GALNTL6: variants seen among roughly 807,000 people sequenced by gnomAD.
GALNTL6 encodes the protein polypeptide N-acetylgalactosaminyltransferase like 6.
A neutral mutation model predicts 73.7 loss-of-function variants in GALNTL6; 46 were observed. The observed-to-expected ratio is 0.62, with a 90% confidence interval of 0.49 to 0.80. The LOEUF is 0.80. Among genes scored for constraint, GALNTL6 ranks in the 30% least tolerant of loss-of-function variants. The probability of loss-of-function intolerance (pLI) is 0.00; values close to 1 mark genes in which losing one functional copy is unlikely to be tolerated. For synonymous variants in GALNTL6, 259 were observed against 263.7 expected (o/e 0.98, Z 0.17); for missense variants, 604 against 755.0 (o/e 0.80, Z 2.34).
chr4:172,471,828 G>A (rs945987667), intron 5 of GALNTL6, among the ~76,000 whole-genome samples: 1 of 152,152 alleles, frequency 6.6e-6, no homozygotes, highest in African/African-American at 2.4e-5. Context: ...TTACACATTT[G>A]AGTGAATTCA....
rs184786871 is a variant in GALNTL6 at position 172,043,771 on chromosome 4, G to A, written c.139-185885G>A. ...AAGATTTTCACCAAATACTAGTAAAGTTTTAAATGCAAAGATATCTTCAAT... is the reference window on the plus strand; with the variant it reads ...AAGATTTTCACCAAATACTAGTAAAATTTTAAATGCAAAGATATCTTCAAT... On this transcript the variant is annotated intron_variant, in intron 2 of 12. Transcript: ENST00000506823. 6.3e-3 allele frequency among the ~76,000 whole-genome samples: 954 copies of A among 152,114 alleles called. 11 individuals carry two copies. The highest frequency in any genetic ancestry group is 0.01 in the Non-Finnish European group (706 of 67,916).
chr4:171,920,387 AAAAAAG>A (rs752284234), intron 2 of GALNTL6, among the ~76,000 whole-genome samples: 1 of 152,162 alleles, frequency 6.6e-6, no homozygotes, highest in Non-Finnish European at 1.5e-5. Context: ...TAATTTAAAA[AAAAAAG>A]AAAAAGAAAA....
At position 172,939,049 on chromosome 4, in the gene GALNTL6, A is replaced by T. The variant is rs530122318; in HGVS notation, c.1149+7781A>T. Among the ~76,000 whole-genome samples, 149 of 152,322 alleles carry T rather than the reference A, an allele frequency of 9.8e-4. 2 individuals carry two copies. In the South Asian group the frequency reaches 0.03, roughly 30 times the overall value. On this transcript the variant is annotated intron_variant, in intron 9 of 12. Coordinates refer to ENST00000506823, the MANE Select transcript of GALNTL6 (RefSeq NM_001034845.3). ...ACAGGCATAGTGGCTCATGCCTGTA[A>T]TCCCAGTGCCTCAGGAGGCTGATGC...
chr4:172,125,373 AT>A (rs1324768035), intron 2 of GALNTL6, among the ~76,000 whole-genome samples: 4 of 152,140 alleles, frequency 2.6e-5, no homozygotes, highest in East Asian at 3.9e-4. Flanking sequence ...AATGGTTGAA[AT>A]TTTTTTTAAA....
At chr4:173,039,442 G>A (rs1753817514) in intron 12 of GALNTL6, among the ~76,000 whole-genome samples, 1 of 151,950 alleles carries the variant, frequency 6.6e-6, no homozygotes, top group African/African-American at 2.4e-5. Flanking sequence ...TCCCATTAGA[G>A]ATTCAATGTG....
chr4:172,404,646 G>T (rs1202554569), intron 5 of GALNTL6, among the ~76,000 whole-genome samples: 2 of 151,990 alleles, frequency 1.3e-5, no homozygotes, highest in African/African-American at 4.8e-5. Flanking sequence ...TGTATATACA[G>T]AAATATTCAG....
At chr4:172,306,092 A>C (rs1740127543) in intron 3 of GALNTL6, among the ~76,000 whole-genome samples, 1 of 152,128 alleles carries the variant, frequency 6.6e-6, no homozygotes, top group African/African-American at 2.4e-5. Flanking sequence ...ATGAATTTGA[A>C]AATAAAAATA....
intron 4 of GALNTL6, among the ~76,000 whole-genome samples, chr4:172,332,878 T>G (rs932561980): frequency 6.6e-6 from 1 of 152,196 alleles, no homozygotes; most frequent in African/African-American, 2.4e-5. Flanking sequence ...GAAATCGTCA[T>G]ACTGTTTTCC....
chr4:172,671,312 A>G (rs1484613635), intron 5 of GALNTL6, among the ~76,000 whole-genome samples: 1 of 151,986 alleles, frequency 6.6e-6, no homozygotes, highest in African/African-American at 2.4e-5. Flanking sequence ...TGTTTGTGTT[A>G]TCTCCGATTT....
intron 5 of GALNTL6, among the ~76,000 whole-genome samples, chr4:172,415,773 G>A (rs1417058988): frequency 6.6e-6 from 1 of 152,086 alleles, no homozygotes; most frequent in African/African-American, 2.4e-5. Flanking sequence ...GGTTGTGATC[G>A]ATTGAGCAAG....
chr4:172,214,211 C>T (rs1736420717), intron 2 of GALNTL6, among the ~76,000 whole-genome samples: 1 of 152,096 alleles, frequency 6.6e-6, no homozygotes, highest in South Asian at 2.1e-4. Flanking sequence ...TATTATAAGT[C>T]TGGAAATTGG....
chr4:172,519,142 AATATAT>A (rs904147504), intron 5 of GALNTL6, among the ~76,000 whole-genome samples: 1 of 150,536 alleles, frequency 6.6e-6, no homozygotes, highest in East Asian at 1.9e-4. Flanking sequence ...AACTCCTGCA[AATATAT>A]ATATATAAAT....
chr4:171,917,252 C>T (rs1217978793), intron 2 of GALNTL6, among the ~76,000 whole-genome samples: 1 of 151,926 alleles, frequency 6.6e-6, no homozygotes, highest in Non-Finnish European at 1.5e-5. Flanking sequence ...TTTCCCAAAA[C>T]CACAGTGTGG....
At chr4:172,325,458 G>A (rs907555926) in intron 4 of GALNTL6, among the ~76,000 whole-genome samples, 3 of 151,852 alleles carry the variant, frequency 2.0e-5, no homozygotes, top group African/African-American at 4.8e-5. Context: ...GAAAACACTG[G>A]AAAAAATAAA....
chr4:172,027,944 G>A (rs1181162869), intron 2 of GALNTL6, among the ~76,000 whole-genome samples: 1 of 152,066 alleles, frequency 6.6e-6, no homozygotes, highest in East Asian at 1.9e-4. Context: ...TAAATTTAAG[G>A]AATAAGCCAT....
chr4:172,339,167 G>A (rs944794936), intron 4 of GALNTL6, among the ~76,000 whole-genome samples: 11 of 151,928 alleles, frequency 7.2e-5, no homozygotes, highest in Non-Finnish European at 1.5e-4. Context: ...TGAATGTCTG[G>A]AGATATGCCT....
intron 5 of GALNTL6, among the ~76,000 whole-genome samples, chr4:172,632,444 A>G (rs1461353680): frequency 2.0e-5 from 3 of 152,154 alleles, no homozygotes; most frequent in African/African-American, 7.2e-5. Flanking sequence ...ACTGGAGTAA[A>G]GGTCACTCTT....
At chr4:172,141,904 C>T (rs1389466840) in intron 2 of GALNTL6, among the ~76,000 whole-genome samples, 1 of 124,784 alleles carries the variant, frequency 8.0e-6, no homozygotes, top group African/African-American at 2.7e-5. Context: ...CACACACACA[C>T]ACACACACCC....
intron 8 of GALNTL6, among the ~76,000 whole-genome samples, chr4:172,924,159 G>A (rs1561036370): frequency 6.6e-6 from 1 of 152,152 alleles, no homozygotes; most frequent in Non-Finnish European, 1.5e-5. Flanking sequence ...AACTCTCAGG[G>A]TGCGCCTGGC....
Sources: gnomAD v4.1 joint callset for allele counts (sites outside exome capture counted in the v4.1 genomes callset) on GRCh38, gnomAD v4.1.1 for gene constraint, MANE v1.5 for transcripts, NCBI Gene and HGNC (gene_info 2026-07-23, HGNC 2026-07-21) for gene names.